Variants in PLA2G4E observed in about 807,000 individuals in gnomAD.
PLA2G4E encodes the protein cytosolic phospholipase A2 epsilon.
In PLA2G4E, 84 loss-of-function variants were observed where a neutral mutation model predicts 109.1. The ratio of observed to expected loss-of-function variants is 0.77; its 90% CI spans 0.65 to 0.92. The LOEUF is 0.92. PLA2G4E is among the 40% of genes least tolerant of loss of function. The pLI is 0.00. For missense variants in PLA2G4E, 1,057 were observed against 1,076.6 expected (o/e 0.98, Z 0.25); for synonymous variants, 469 against 436.1 (o/e 1.08, Z -0.94).
At chr15:42,046,675 C>G (rs1028100297) in intron 1 of PLA2G4E, among the ~76,000 whole-genome samples, 6 of 152,160 alleles carry the variant, frequency 3.9e-5, no homozygotes, top group African/African-American at 1.4e-4. Flanking sequence ...TCTTGTCTGA[C>G]CTGCTCAGTG....
intron 1 of PLA2G4E, among the ~76,000 whole-genome samples, chr15:42,049,345 A>C (rs1366463626): frequency 2.0e-5 from 3 of 152,184 alleles, no homozygotes; most frequent in Admixed American, 6.5e-5. Flanking sequence ...ACTCACTCCC[A>C]TGATCATGAC....
intron 1 of PLA2G4E, among the ~76,000 whole-genome samples, chr15:42,041,339 G>T (rs72727707): frequency 0.087 from 13,224 of 152,164 alleles, 595 homozygotes; most frequent in South Asian, 0.13. Context: ...AGTTGTTGAT[G>T]AATGGAAATA....
At chr15:41,990,019 A>G (rs2068215671) in intron 14 of PLA2G4E, 102 bp downstream of exon 14, 1 of 881,740 alleles carries the variant, frequency 1.1e-6, no homozygotes, top group South Asian at 1.5e-5. Context: ...AGAGGTTGAC[A>G]AAGATGAGTG....
At chr15:41,997,077 T>A in intron 11 of PLA2G4E, 47 bp downstream of exon 11, 1 of 1,517,320 alleles carries the variant, frequency 6.6e-7, no homozygotes, top group Non-Finnish European at 8.9e-7. Context: ...GGCATGGTGC[T>A]GGAAGGACCA....
At chr15:42,022,342 C>T (rs1353642840) in intron 1 of PLA2G4E, among the ~76,000 whole-genome samples, 4 of 152,038 alleles carry the variant, frequency 2.6e-5, no homozygotes, top group South Asian at 2.1e-4. Flanking sequence ...CTGGTTTCAC[C>T]GAGGTTAATT....
intron 10 of PLA2G4E, chr15:41,999,098 G>C (rs917115550): frequency 6.7e-6 from 1 of 149,372 alleles, no homozygotes; most frequent in African/African-American, 2.6e-5. Context: ...CAGGACATTG[G>C]ATTAGGCAAT....
At position 42,011,183 on chromosome 15, in the gene PLA2G4E, GC is replaced by G. The variant is rs1299781686; in HGVS notation, c.256+2501del. ...GGGTTTCCAAAGAGGGCCAGGTATC[GC>G]CCAAAGGCAGCCTGTCTGCCCAAGG... On this transcript the variant is annotated intron_variant, in intron 2 of 19. Transcript: ENST00000399518. 2.0e-5 allele frequency among the ~76,000 whole-genome samples: 3 copies of G among 152,268 alleles called. No homozygotes were observed. In the South Asian group the frequency reaches 6.2e-4, roughly 31 times the overall value.
intron 11 of PLA2G4E, 35 bp from the exon 12 acceptor site, chr15:41,995,531 C>T: frequency 2.5e-6 from 4 of 1,606,626 alleles, no homozygotes; most frequent in Non-Finnish European, 2.6e-6. Flanking sequence ...TTGGGGAAGG[C>T]TCCAGAAGCA....
chr15:42,007,960 C>T (rs569587824), intron 2 of PLA2G4E, 95 bp from the exon 3 acceptor site: 7 of 1,354,144 alleles, frequency 5.2e-6, no homozygotes, highest in Non-Finnish European at 7.1e-6. Context: ...GAGCCAGGCC[C>T]CATCTCAGCT....
At chr15:42,013,068 G>GC (rs1349992130) in intron 2 of PLA2G4E, among the ~76,000 whole-genome samples, 1 of 152,220 alleles carries the variant, frequency 6.6e-6, no homozygotes, top group Non-Finnish European at 1.5e-5. Context: ...AATGCAGCAG[G>GC]CTCTGGGATG....
intron 2 of PLA2G4E, chr15:42,009,058 G>A (rs577227206): frequency 3.3e-5 from 5 of 152,264 alleles, no homozygotes; most frequent in Admixed American, 2.6e-4. Flanking sequence ...GTTAATCTTT[G>A]AGGCCTCATC....
At chr15:42,005,949 A>T in intron 4 of PLA2G4E, 41 bp downstream of exon 4, 1 of 1,603,320 alleles carries the variant, frequency 6.2e-7, no homozygotes, top group Non-Finnish European at 8.5e-7. Flanking sequence ...CTATGAGGTT[A>T]TCATGAAGCC....
chr15:42,019,288 A>G (rs913469390), intron 1 of PLA2G4E, among the ~76,000 whole-genome samples: 5 of 152,248 alleles, frequency 3.3e-5, no homozygotes, highest in African/African-American at 1.2e-4. Flanking sequence ...CCAAGAATCT[A>G]GCCGTTACCA....
At chr15:42,034,884 T>C (rs1046992335) in intron 1 of PLA2G4E, among the ~76,000 whole-genome samples, 5 of 152,214 alleles carry the variant, frequency 3.3e-5, no homozygotes, top group African/African-American at 1.2e-4. Context: ...ATAAAGGCTT[T>C]TTATTTGCTT....
intron 1 of PLA2G4E, among the ~76,000 whole-genome samples, chr15:42,030,342 G>C (rs1165721915): frequency 6.6e-6 from 1 of 152,126 alleles, no homozygotes; most frequent in Non-Finnish European, 1.5e-5. Context: ...AGCCATCATG[G>C]GGCTCCTGGA....
chr15:41,992,731 A>T lies in PLA2G4E; in HGVS notation c.1470+6T>A. ...GGGTGGGGCCCAGGAGAAGCCGAGC[A>T]CCTACCTCGTCCCCCAGGCAGGTCT... On this transcript the variant is annotated splice_donor_region_variant and intron_variant, in intron 13 of 19. Transcript: ENST00000399518. 2 of 1,610,204 alleles carry T rather than the reference A, an allele frequency of 1.2e-6. No individual in the cohort carries two copies. Among genetic ancestry groups the T allele is most frequent in the Non-Finnish European group, 1.7e-6 (2 of 1,178,368 alleles).
At chr15:41,994,368 G>C (rs1021524834) in intron 12 of PLA2G4E, among the ~76,000 whole-genome samples, 1 of 152,166 alleles carries the variant, frequency 6.6e-6, no homozygotes, top group African/African-American at 2.4e-5. Flanking sequence ...TTGCTCACAC[G>C]GGGGCTACCC....
intron 1 of PLA2G4E, among the ~76,000 whole-genome samples, chr15:42,049,738 G>C (rs571494163): frequency 2.0e-5 from 3 of 152,130 alleles, no homozygotes; most frequent in African/African-American, 4.8e-5. Context: ...AGGAGGAAGC[G>C]AGGCTCACTC....
chr15:41,985,763 G>A lies in PLA2G4E; in HGVS notation c.2202+76C>T, dbSNP rs1043398025. On this transcript the variant is annotated intron_variant, in intron 18 of 19. Transcript: ENST00000399518. ...AGCATGCCTCTTCCCAGTTCACAGC[G>A]AGTGAGGCCACTGACTGCGGGGCCC... is the stretch of plus-strand genomic sequence containing the variant. 8.4e-5 allele frequency: 126 copies of A among 1,495,170 alleles called. 2 individuals are homozygous for A. In the East Asian group the frequency reaches 9.5e-4, roughly 11 times the overall value. 92.6% of individuals were successfully genotyped at this position (1,495,170 alleles called of 1,614,324 possible). A position where few individuals can be genotyped will look rare whatever the true frequency, so the allele number is the denominator to read the frequency against.
Sources: allele counts gnomAD v4.1 joint callset (sites outside exome capture counted in the v4.1 genomes callset), GRCh38; gene constraint gnomAD v4.1.1; transcripts MANE v1.5; gene names NCBI Gene and HGNC (gene_info 2026-07-23, HGNC 2026-07-21).